LYRM2: variants seen among roughly 807,000 people sequenced by gnomAD.
LYRM2 encodes LYR motif containing 2.
LYRM2 carries 8 observed loss-of-function variants against 11.6 expected under a neutral mutation model. That is an observed-to-expected ratio of 0.69 (90% confidence interval 0.40 to 1.24). The LOEUF is 1.24. Among genes scored for constraint, LYRM2 ranks in the 50% most tolerant of loss-of-function variants. LYRM2 has a pLI of 0.01. For synonymous variants in LYRM2, 30 were observed against 36.4 expected (o/e 0.83, Z 0.63); for missense variants, 117 against 102.9 (o/e 1.14, Z -0.59).
chr6:89,634,178 C>A lies in LYRM2; in HGVS notation c.*3095G>T, dbSNP rs1217260434. On this transcript the variant is annotated 3_prime_UTR_variant, in exon 3 of 3. Coordinates refer to ENST00000523377, the MANE Select transcript of LYRM2 (RefSeq NM_020466.5). ...TTATTAAAAGTTAAATGCATTTCTT[C>A]TTTGAAGTGTGGATTATAAAAGCCA... 2 of 152,172 alleles carry A rather than the reference C, an allele frequency of 1.3e-5. No homozygotes were observed. The highest frequency in any genetic ancestry group is 2.9e-5 in the Non-Finnish European group (2 of 68,032). 9.4% of individuals were successfully genotyped at this position (152,172 alleles called of 1,614,324 possible).
intron 1 of LYRM2, 57 bp downstream of exon 1, chr6:89,638,615 G>A: frequency 6.2e-7 from 1 of 1,612,134 alleles, no homozygotes; most frequent in Non-Finnish European, 8.5e-7. Flanking sequence ...AGGGACAGAT[G>A]GAGAATCCAG....
At position 89,634,690 on chromosome 6, in the gene LYRM2, AAC is replaced by A. The variant is rs1257096244; in HGVS notation, c.*2581_*2582del. 1.3e-4 allele frequency: 20 copies of A among 152,234 alleles called. No individual in the cohort carries two copies. Among genetic ancestry groups the A allele is most frequent in the African/African-American group, 4.8e-4 (20 of 41,462 alleles). The allele number at this position is 152,234 out of a possible 1,614,324, so 9.4% of individuals were successfully genotyped here. On this transcript the variant is annotated 3_prime_UTR_variant, in exon 3 of 3. Transcript: ENST00000523377. ...CGCGCCACCACACTCCAGCTTGTGC[AAC>A]AGAGACCCTGTCTCAAAAAAAAGTC...
At chr6:89,638,313 C>A in intron 1 of LYRM2, 1 of 1,179,634 alleles carries the variant, frequency 8.5e-7, no homozygotes, top group Non-Finnish European at 1.1e-6. Context: ...GTTGTTATTA[C>A]AACGACAGCA....
chr6:89,638,579 A>AC (rs1475666810), intron 1 of LYRM2, 93 bp downstream of exon 1: 12 of 1,601,994 alleles, frequency 7.5e-6, no homozygotes, highest in Middle Eastern at 1.7e-4. Flanking sequence ...CCGCATCAGG[A>AC]CCCCGGAACC....
In LYRM2 at chr6:89,636,023, A is replaced by C. The variant is rs1807993825; in HGVS notation, c.*1250T>G. 1 of 171,962 alleles carries C rather than the reference A, an allele frequency of 5.8e-6. No individual in the cohort carries two copies. Among genetic ancestry groups the C allele is most frequent in the Admixed American group, 5.6e-5 (1 of 17,936 alleles). 10.7% of individuals were successfully genotyped at this position (171,962 alleles called of 1,614,324 possible). On this transcript the variant is annotated 3_prime_UTR_variant, in exon 3 of 3. Coordinates refer to ENST00000523377, the MANE Select transcript of LYRM2 (RefSeq NM_020466.5). ...TGAGTTCTCTATCAAACTATGACAC[A>C]TCTGAAGAACGTACCTGAACAACCC... is the stretch of plus-strand genomic sequence containing the variant.
At position 89,638,361 on chromosome 6, in the gene LYRM2, T is replaced by C. The variant is rs1584060033; in HGVS notation, c.45+311A>G. ...TAACAGTTGTTCAAATCTTTGGTAATCTCATTTGCTGTTTGCCACAGCTCA... is the reference window on the plus strand; with the variant it reads ...TAACAGTTGTTCAAATCTTTGGTAACCTCATTTGCTGTTTGCCACAGCTCA... On this transcript the variant is annotated intron_variant, in intron 1 of 2. Coordinates refer to ENST00000523377, the MANE Select transcript of LYRM2 (RefSeq NM_020466.5). The C allele has an allele frequency of 2.4e-6, 3 of 1,271,688 alleles. No homozygotes were observed. In the East Asian group the frequency reaches 1.0e-4, roughly 44 times the overall value. The allele number at this position is 1,271,688 out of a possible 1,614,324, so 78.8% of individuals were successfully genotyped here. A position where few individuals can be genotyped will look rare whatever the true frequency, so the allele number is the denominator to read the frequency against.
chr6:89,635,291 A>T lies in LYRM2; in HGVS notation c.*1982T>A, dbSNP rs1807969048. 1 of 152,244 alleles carries T rather than the reference A, an allele frequency of 6.6e-6. No individual in the cohort carries two copies. The highest frequency in any genetic ancestry group is 1.5e-5 in the Non-Finnish European group (1 of 68,038). 9.4% of individuals were successfully genotyped at this position (152,244 alleles called of 1,614,324 possible). A position where few individuals can be genotyped will look rare whatever the true frequency, so the allele number is the denominator to read the frequency against. On this transcript the variant is annotated 3_prime_UTR_variant, in exon 3 of 3. Coordinates refer to ENST00000523377, the MANE Select transcript of LYRM2 (RefSeq NM_020466.5). Reference sequence around the variant, plus strand: ...CATGTCACACAAAAAATATTTCCAAAGTGTTCTCTGTTCAGAAACGTCACA... The same window carrying T: ...CATGTCACACAAAAAATATTTCCAATGTGTTCTCTGTTCAGAAACGTCACA...
At chr6:89,637,973 C>T in intron 1 of LYRM2, 91 bp from the exon 2 acceptor site, 1 of 1,279,334 alleles carries the variant, frequency 7.8e-7, no homozygotes. Context: ...AACCAGAGTA[C>T]TTCTCGTTGG....
At position 89,637,798 on chromosome 6, in the gene LYRM2, A is replaced by G. The variant is rs2128295704; in HGVS notation, c.130T>C (p.Tyr44His). 3 of 1,614,038 alleles carry G rather than the reference A, an allele frequency of 1.9e-6. No individual in the cohort carries two copies. The highest frequency in any genetic ancestry group is 2.2e-5 in the East Asian group (1 of 44,876). Residue 44 changes from tyrosine to histidine, a missense_variant, in exon 2 of 3, where the codon TAC (tyrosine) becomes CAC (histidine). Tyr to His is a moderately conservative substitution (Grantham distance 83). Transcript: ENST00000523377. ...TCTTCTCTTGCCCAATCTTTCAGGTATTTGCGATCAGAATCATTTGGAACT... is the reference window on the plus strand; with the variant it reads ...TCTTCTCTTGCCCAATCTTTCAGGTGTTTGCGATCAGAATCATTTGGAACT... ...RQVPNDSDRKYLKDWAREEFR... is the reference protein window; with the variant it reads ...RQVPNDSDRKHLKDWAREEFR...
Position 89,634,078 on chromosome 6 carries a change from A to G in LYRM2, c.*3195T>C, listed in dbSNP as rs1488686616. ...TGACCATTTGGAAAATACTGGACAA[A>G]GGGGAAGGACAAAACATCATTTGCA... On this transcript the variant is annotated 3_prime_UTR_variant, in exon 3 of 3. Coordinates refer to ENST00000523377, the MANE Select transcript of LYRM2 (RefSeq NM_020466.5). 1.3e-5 allele frequency: 2 copies of G among 152,268 alleles called. No homozygotes were observed. Among genetic ancestry groups the G allele is most frequent in the Non-Finnish European group, 2.9e-5 (2 of 68,052 alleles). The allele number at this position is 152,268 out of a possible 1,614,324, so 9.4% of individuals were successfully genotyped here.
In LYRM2 at chr6:89,634,438, A is replaced by C. The variant is rs1807920246; in HGVS notation, c.*2835T>G. 6.7e-6 allele frequency: 1 copy of C among 148,856 alleles called. No individual in the cohort carries two copies. The highest frequency in any genetic ancestry group is 2.5e-5 in the African/African-American group (1 of 40,700). 9.2% of individuals were successfully genotyped at this position (148,856 alleles called of 1,614,324 possible). On this transcript the variant is annotated 3_prime_UTR_variant, in exon 3 of 3. Transcript: ENST00000523377. ...AGACTGTCTCTTTAAAAAAAAAAACAACTCACACCTGTAATCCTAGCACTC... is the reference window on the plus strand; with the variant it reads ...AGACTGTCTCTTTAAAAAAAAAAACCACTCACACCTGTAATCCTAGCACTC...
At chr6:89,638,542 T>G (rs1808086351) in intron 1 of LYRM2, 130 bp downstream of exon 1, 15 of 1,577,528 alleles carry the variant, frequency 9.5e-6, no homozygotes, top group Non-Finnish European at 1.3e-5. Context: ...CCCGCAGGCA[T>G]CGGGCCAATC....
In LYRM2 at chr6:89,636,616, C is replaced by T. The variant is rs1240417952; in HGVS notation, c.*657G>A. ...GTTCTGTAATTTCTGTACATCTTCA[C>T]CAAGACTTATTATTATTTCTCTTTT... is the stretch of plus-strand genomic sequence containing the variant. On this transcript the variant is annotated 3_prime_UTR_variant, in exon 3 of 3. Coordinates refer to ENST00000523377, the MANE Select transcript of LYRM2 (RefSeq NM_020466.5). 1 of 151,774 alleles carries T rather than the reference C, an allele frequency of 6.6e-6. No individual in the cohort carries two copies. Among genetic ancestry groups the T allele is most frequent in the Non-Finnish European group, 1.5e-5 (1 of 67,994 alleles). 9.4% of individuals were successfully genotyped at this position (151,774 alleles called of 1,614,324 possible).
chr6:89,637,703 A>C (rs767902407), intron 2 of LYRM2, 39 bp downstream of exon 2: 65 of 1,577,882 alleles, frequency 4.1e-5, no homozygotes, highest in Non-Finnish European at 4.0e-5. Flanking sequence ...GATCAATAAA[A>C]AGGGTTAGGA....
At position 89,637,343 on chromosome 6, in the gene LYRM2, C is replaced by T. The variant is rs551470054; in HGVS notation, c.197G>A (p.Arg66Gln). The T allele has an allele frequency of 1.4e-5, 23 of 1,604,624 alleles. No individual in the cohort carries two copies. The highest frequency in any genetic ancestry group is 6.7e-5 in the East Asian group (3 of 44,716). Reference protein sequence around the residue: ...NKSATEEDTIRMMITQGNMQL... With the variant: ...NKSATEEDTIQMMITQGNMQL... ...CATATTGCCTTGAGTAATCATCATCCGGATTGTATCCTGTAGAATAAAGTG... is the reference window on the plus strand; with the variant it reads ...CATATTGCCTTGAGTAATCATCATCTGGATTGTATCCTGTAGAATAAAGTG... The change falls in exon 3 of 3, where the codon CGG (arginine) becomes CAG (glutamine). Residue 66 changes from arginine (R) to glutamine (Q), a missense_variant. Arg to Gln is a conservative substitution (Grantham distance 43). Transcript: ENST00000523377.
In LYRM2 at chr6:89,633,929, A is replaced by G. The variant is rs1423655856; in HGVS notation, c.*3344T>C. 6 of 152,232 alleles carry G rather than the reference A, an allele frequency of 3.9e-5. No individual in the cohort carries two copies. Among genetic ancestry groups the G allele is most frequent in the African/African-American group, 1.4e-4 (6 of 41,456 alleles). The allele number at this position is 152,232 out of a possible 1,614,324, so 9.4% of individuals were successfully genotyped here. A position where few individuals can be genotyped will look rare whatever the true frequency, so the allele number is the denominator to read the frequency against. On this transcript the variant is annotated 3_prime_UTR_variant, in exon 3 of 3. Transcript: ENST00000523377. ...AGCTACACTTTACCTTGTATCTATA[A>G]AAGTGTAATTTAGAGTAAATACATT...
intron 2 of LYRM2, 50 bp from the exon 3 acceptor site, chr6:89,637,403 T>C: frequency 8.5e-7 from 1 of 1,178,894 alleles, no homozygotes; most frequent in South Asian, 1.3e-5. Context: ...TTAAACAAGG[T>C]ATAGCTATAC....
Position 89,634,853 on chromosome 6 carries a change from G to A in LYRM2, c.*2420C>T, listed in dbSNP as rs1807944320. On this transcript the variant is annotated 3_prime_UTR_variant, in exon 3 of 3. Transcript: ENST00000523377. ...CGCCCAGGCTGTAGTGCAGTAGTGT[G>A]TTCTCGGCTCACTGCAGCCTCTGCC... 1 of 152,146 alleles carries A rather than the reference G, an allele frequency of 6.6e-6. No homozygotes were observed. Among genetic ancestry groups the A allele is most frequent in the African/African-American group, 2.4e-5 (1 of 41,412 alleles). The allele number at this position is 152,146 out of a possible 1,614,324, so 9.4% of individuals were successfully genotyped here. A position where few individuals can be genotyped will look rare whatever the true frequency, so the allele number is the denominator to read the frequency against.
chr6:89,638,436 C>G (rs1808082306), intron 1 of LYRM2: 1 of 1,438,350 alleles, frequency 7.0e-7, no homozygotes. Flanking sequence ...CACCGGGACT[C>G]AGGGAAATCA....
Sources: allele counts gnomAD v4.1 joint callset, GRCh38; gene constraint gnomAD v4.1.1; transcripts MANE v1.5; gene names NCBI Gene and HGNC (gene_info 2026-07-23, HGNC 2026-07-21).